PRELID2: variants seen among roughly 807,000 people sequenced by gnomAD.
The protein encoded by PRELID2 is PRELI domain-containing protein 2.
Under a neutral mutation model 28.4 loss-of-function variants are expected in PRELID2, and 25 were observed. The ratio of observed to expected loss-of-function variants is 0.88; its 90% CI spans 0.64 to 1.23. The LOEUF (loss-of-function observed/expected upper bound fraction) is 1.23, where lower values mean the gene tolerates loss of function less well. Ranked by LOEUF, PRELID2 falls within the 50% of genes most tolerant of loss-of-function variation. The probability of loss-of-function intolerance (pLI) is 0.00; values close to 1 mark genes in which losing one functional copy is unlikely to be tolerated. For missense variants in PRELID2, 201 were observed against 214.4 expected (o/e 0.94, Z 0.39); for synonymous variants, 76 against 71.6 (o/e 1.06, Z -0.31).
chr5:145,514,068 T>A (rs1050816045), intron 1 of PRELID2, among the ~76,000 whole-genome samples: 2 of 152,122 alleles, frequency 1.3e-5, no homozygotes, highest in Non-Finnish European at 2.9e-5. Context: ...CCATCGACAC[T>A]ATGAAGAAAC....
At chr5:145,568,241 GA>G (rs1752985121) in intron 1 of PRELID2, among the ~76,000 whole-genome samples, 3 of 152,172 alleles carry the variant, frequency 2.0e-5, no homozygotes, top group Non-Finnish European at 4.4e-5. Context: ...CACTCTAATA[GA>G]GACCCCTCCA....
intron 2 of PRELID2, 83 bp downstream of exon 2, chr5:145,822,994 G>T: frequency 1.4e-6 from 1 of 713,366 alleles, no homozygotes; most frequent in South Asian, 1.8e-5. Flanking sequence ...AACCTAATAG[G>T]CCACACACAC....
intron 4 of PRELID2, among the ~76,000 whole-genome samples, chr5:145,805,270 T>G (rs1753418386): frequency 6.6e-6 from 1 of 152,192 alleles, no homozygotes; most frequent in South Asian, 2.1e-4. Flanking sequence ...AATTTTGACT[T>G]TTCAGCAGGT....
downstream of PRELID2, among the ~76,000 whole-genome samples, chr5:145,751,646 C>T (rs1444493736): frequency 6.6e-6 from 1 of 152,184 alleles, no homozygotes; most frequent in Non-Finnish European, 1.5e-5. Context: ...TATAAAAATA[C>T]CATTTTTCCA....
chr5:145,565,707 T>C (rs918218219), intron 1 of PRELID2, among the ~76,000 whole-genome samples: 1 of 152,234 alleles, frequency 6.6e-6, no homozygotes, highest in Admixed American at 6.5e-5. Flanking sequence ...AATCTGTGCC[T>C]GGATTCAGGA....
the PRELID2 span, among the ~76,000 whole-genome samples, chr5:145,245,972 G>A: frequency 0.084 from 12,729 of 151,868 alleles, 1,173 homozygotes; most frequent in African/African-American, 0.23. Flanking sequence ...CTGGAAAGAG[G>A]ACAGGGGAGG....
the PRELID2 span, among the ~76,000 whole-genome samples, chr5:145,448,874 C>A: frequency 6.6e-6 from 1 of 152,136 alleles, no homozygotes; most frequent in Non-Finnish European, 1.5e-5. Flanking sequence ...CTAACTCTGG[C>A]TACTGATCTC....
chr5:145,532,062 A>G (rs1008444355), intron 1 of PRELID2, among the ~76,000 whole-genome samples: 5 of 152,274 alleles, frequency 3.3e-5, no homozygotes, highest in African/African-American at 1.2e-4. Flanking sequence ...TAACAGCTCA[A>G]TAAATGTCCG....
the PRELID2 span, among the ~76,000 whole-genome samples, chr5:145,258,429 C>A: frequency 1.3e-5 from 2 of 152,064 alleles, no homozygotes; most frequent in African/African-American, 2.4e-5. Context: ...TATGTTCAGG[C>A]AGAGGAGGTA....
At chr5:145,747,823 C>A (rs1757031943) in intron 1 of PRELID2, among the ~76,000 whole-genome samples, 1 of 152,212 alleles carries the variant, frequency 6.6e-6, no homozygotes, top group South Asian at 2.1e-4. Context: ...ATCAAGTGGG[C>A]TTCCTCCCTG....
the PRELID2 span, among the ~76,000 whole-genome samples, chr5:145,458,868 T>C: frequency 6.6e-6 from 1 of 152,244 alleles, no homozygotes; most frequent in Admixed American, 6.5e-5. Flanking sequence ...GATTTGTTTT[T>C]ATTCATTTTT....
chr5:145,463,431 T>TTC, the PRELID2 span, among the ~76,000 whole-genome samples: 1 of 151,624 alleles, frequency 6.6e-6, no homozygotes, highest in East Asian at 1.9e-4. Flanking sequence ...ATGGGAGAAG[T>TTC]TCTCCACTTT....
chr5:145,598,811 A>G (rs1335698024), intron 1 of PRELID2, among the ~76,000 whole-genome samples: 1 of 152,218 alleles, frequency 6.6e-6, no homozygotes, highest in Non-Finnish European at 1.5e-5. Context: ...TAAGTGTTAT[A>G]AAGAAAACAA....
chr5:145,750,721 T>C (rs542038778), intron 1 of PRELID2, among the ~76,000 whole-genome samples: 4 of 152,168 alleles, frequency 2.6e-5, no homozygotes, highest in Non-Finnish European at 4.4e-5. Context: ...TGCCATACAA[T>C]TCCCATTTCA....
intron 1 of PRELID2, among the ~76,000 whole-genome samples, chr5:145,534,399 C>A (rs1264326413): frequency 1.3e-5 from 2 of 151,934 alleles, no homozygotes; most frequent in Admixed American, 6.6e-5. Context: ...CTTTGCTGAG[C>A]CTTTTACCTT....
At chr5:145,241,911 A>T in the PRELID2 span, among the ~76,000 whole-genome samples, 1 of 151,964 alleles carries the variant, frequency 6.6e-6, no homozygotes, top group African/African-American at 2.4e-5. Flanking sequence ...ATTCTTTGGG[A>T]AAAAGAGAAC....
intron 1 of PRELID2, among the ~76,000 whole-genome samples, chr5:145,481,498 G>A (rs1175499077): frequency 6.6e-6 from 1 of 151,420 alleles, no homozygotes; most frequent in African/African-American, 2.4e-5. Context: ...TAGATAAAAT[G>A]GATTCTAATA....
chr5:145,806,418 T>C (rs1330490427), intron 4 of PRELID2, among the ~76,000 whole-genome samples: 1 of 152,182 alleles, frequency 6.6e-6, no homozygotes, highest in Non-Finnish European at 1.5e-5. Flanking sequence ...CCATATCTTA[T>C]CCCACTGGAA....
intron 5 of PRELID2, among the ~76,000 whole-genome samples, chr5:145,774,888 T>C (rs1347540356): frequency 6.6e-6 from 1 of 152,102 alleles, no homozygotes; most frequent in African/African-American, 2.4e-5. Context: ...GTCAATTACA[T>C]AAGAAAAATG....
Sources: allele counts gnomAD v4.1 joint callset (sites outside exome capture counted in the v4.1 genomes callset), GRCh38; gene constraint gnomAD v4.1.1; transcripts MANE v1.5; gene names NCBI Gene and HGNC (gene_info 2026-07-23, HGNC 2026-07-21).